Variants in OPRM1 observed in about 807,000 individuals in gnomAD.
OPRM1 encodes the protein mu-type opioid receptor.
In OPRM1, 27 loss-of-function variants were observed where a neutral mutation model predicts 31.8. The observed-to-expected ratio is 0.85, with a 90% confidence interval of 0.63 to 1.17. OPRM1 has a LOEUF of 1.17. Ranked by LOEUF, OPRM1 falls within the 50% of genes most tolerant of loss-of-function variation. OPRM1 has a pLI of 0.00. For synonymous variants in OPRM1, 196 were observed against 189.9 expected, an observed-to-expected ratio of 1.03 and a Z score of -0.26; for missense variants, 536 against 511.1, an observed-to-expected ratio of 1.05 and a Z score of -0.47.
chr6:154,196,944 G>A (rs2128588306), intron 3 of OPRM1, among the ~76,000 whole-genome samples: 1 of 152,220 alleles, frequency 6.6e-6, no homozygotes, highest in Admixed American at 6.5e-5. Context: ...CATACTAACT[G>A]CAAAAATATT....
intron 3 of OPRM1, among the ~76,000 whole-genome samples, chr6:154,192,176 G>T (rs1165551649): frequency 2.0e-5 from 3 of 152,126 alleles, no homozygotes; most frequent in Non-Finnish European, 2.9e-5. Flanking sequence ...AACTTTACTA[G>T]ATGATGACAA....
At chr6:154,092,507 T>C (rs1206061807) in intron 3 of OPRM1, among the ~76,000 whole-genome samples, 1 of 151,998 alleles carries the variant, frequency 6.6e-6, no homozygotes, top group Non-Finnish European at 1.5e-5. Context: ...GTTCCTAGAG[T>C]CAGGCGTCAG....
chr6:154,233,090 C>T (rs1271396888), intron 3 of OPRM1, among the ~76,000 whole-genome samples: 1 of 151,750 alleles, frequency 6.6e-6, no homozygotes, highest in South Asian at 2.1e-4. Context: ...TGCCTCAGAC[C>T]CCCAAGTAGC....
intron 3 of OPRM1, among the ~76,000 whole-genome samples, chr6:154,183,353 C>A (rs1428550088): frequency 1.3e-5 from 2 of 152,204 alleles, no homozygotes; most frequent in Non-Finnish European, 2.9e-5. Flanking sequence ...TATGTACTTG[C>A]ATAACATGAC....
chr6:154,111,121 T>C (rs900349565), intron 3 of OPRM1, among the ~76,000 whole-genome samples: 1 of 152,170 alleles, frequency 6.6e-6, no homozygotes, highest in Non-Finnish European at 1.5e-5. Context: ...TTATTCTACC[T>C]CTCCTTGAAT....
chr6:154,038,491 G>T (rs774423559), upstream of OPRM1, among the ~76,000 whole-genome samples: 38 of 152,126 alleles, frequency 2.5e-4, no homozygotes, highest in Non-Finnish European at 5.0e-4. Flanking sequence ...GCTTTTCCTA[G>T]AATTTTTACA....
chr6:154,217,574 T>C (rs1455893384), intron 3 of OPRM1: 1 of 152,100 alleles, frequency 6.6e-6, no homozygotes, highest in Non-Finnish European at 1.5e-5. Flanking sequence ...GTAGTTGAAT[T>C]AGAAAGTGAG....
rs552937999 is a variant in OPRM1, at chr6:154,061,377, C to G, written c.290+21543C>G. 1.6e-4 allele frequency among the ~76,000 whole-genome samples: 25 copies of G among 152,198 alleles called. 1 individual carries two copies. The highest frequency in any genetic ancestry group is 1.2e-3 in the Admixed American group (19 of 15,284). On this transcript the variant is annotated intron_variant, in intron 1 of 3. Transcript: ENST00000330432. ...CACACCATTTAGAAATCGCTTGGTT[C>G]TGGTTTGTCACCAGACTTAGGAGAG...
intron 3 of OPRM1, among the ~76,000 whole-genome samples, chr6:154,226,974 A>G (rs1779302133): frequency 6.6e-6 from 1 of 152,188 alleles, no homozygotes; most frequent in Non-Finnish European, 1.5e-5. Context: ...AGGTGGGCGG[A>G]TCACCTGAGG....
At position 154,093,467 on chromosome 6, in the gene OPRM1, C is replaced by T. The variant is rs199878364; in HGVS notation, c.1164+1995C>T. 2.3e-5 allele frequency: 37 copies of T among 1,612,816 alleles called. No individual in the cohort carries two copies. The highest frequency in any genetic ancestry group is 8.8e-5 in the South Asian group (8 of 90,878). ...GTTAAGCATGATTATTCTTCAGTTG[C>T]CCGACACTGCCCTTGACTCCCTTCC... On this transcript the variant is annotated intron_variant, in intron 3 of 3. Transcript: ENST00000330432.
intron 1 of OPRM1, among the ~76,000 whole-genome samples, chr6:154,027,801 G>A (rs1562376285): frequency 6.6e-6 from 1 of 152,294 alleles, no homozygotes; most frequent in East Asian, 1.9e-4. Flanking sequence ...TACCACTGCT[G>A]TTCCCTTAAG....
intron 3 of OPRM1, among the ~76,000 whole-genome samples, chr6:154,163,869 A>T (rs975281361): frequency 2.6e-5 from 4 of 152,220 alleles, no homozygotes; most frequent in Admixed American, 1.3e-4. Flanking sequence ...GAAGATAGAC[A>T]TATAGATGGA....
At position 154,065,625 on chromosome 6, in the gene OPRM1, T is replaced by C. The variant is rs147998585; in HGVS notation, c.291-24201T>C. On this transcript the variant is annotated intron_variant, in intron 1 of 3. Coordinates refer to ENST00000330432, the MANE Select transcript of OPRM1 (RefSeq NM_000914.5). The stretch of plus-strand genomic sequence containing the variant: ...TATGTTGACTTTGTATTCTGCTACT[T>C]CACCAAATTCATTATTAGTTCTAAC... 1.3e-3 allele frequency among the ~76,000 whole-genome samples: 194 copies of C among 152,326 alleles called. 1 individual carries two copies. The highest frequency in any genetic ancestry group is 4.5e-3 in the African/African-American group (186 of 41,566).
intron 3 of OPRM1, among the ~76,000 whole-genome samples, chr6:154,238,169 T>C (rs1780289672): frequency 6.6e-6 from 1 of 152,228 alleles, no homozygotes; most frequent in African/African-American, 2.4e-5. Context: ...TATGATATTA[T>C]TTTATTTTTG....
rs1797866667 is a variant in OPRM1, at chr6:154,131,008, A to G, written c.*12287A>G. 6.6e-6 allele frequency among the ~76,000 whole-genome samples: 1 copy of G among 152,092 alleles called. No individual in the cohort carries two copies. The highest frequency in any genetic ancestry group is 2.4e-5 in the African/African-American group (1 of 41,424). ...ATTTATTTTAAAAAATTGAAAAACT[A>G]CTCTGTCAAACATAGCAAATAGGAA... On this transcript the variant is annotated 3_prime_UTR_variant, in exon 4 of 4. Transcript: ENST00000330432.
intron 3 of OPRM1, among the ~76,000 whole-genome samples, chr6:154,113,847 G>A (rs1317545281): frequency 1.3e-5 from 2 of 152,154 alleles, no homozygotes; most frequent in Non-Finnish European, 2.9e-5. Context: ...GTGAGAGGCT[G>A]GGATTCAGAG....
intron 1 of OPRM1, among the ~76,000 whole-genome samples, chr6:154,026,695 A>G (rs919504939): frequency 6.6e-6 from 1 of 152,136 alleles, no homozygotes; most frequent in Admixed American, 6.5e-5. Context: ...CTTCAAGCTC[A>G]CTAATTCTTT....
chr6:154,060,411 C>T (rs1233951538), intron 1 of OPRM1, among the ~76,000 whole-genome samples: 1 of 152,174 alleles, frequency 6.6e-6, no homozygotes, highest in Non-Finnish European at 1.5e-5. Flanking sequence ...TTATCTGTAA[C>T]TCTTTCTTTG....
At chr6:154,212,666 C>A in intron 3 of OPRM1, 2 of 728,714 alleles carry the variant, frequency 2.7e-6, no homozygotes, top group South Asian at 1.9e-5. Context: ...CTTAATTTAG[C>A]CCATTCTAAA....
Sources: allele counts gnomAD v4.1 joint callset (sites outside exome capture counted in the v4.1 genomes callset), GRCh38; gene constraint gnomAD v4.1.1; transcripts MANE v1.5; gene names NCBI Gene and HGNC (gene_info 2026-07-23, HGNC 2026-07-21).